The following ZNF18 variants were observed in gnomAD, a reference collection of about 807,000 sequenced individuals.
ZNF18 encodes the protein heart development-specific gene 1 protein.
ZNF18 carries 42 observed loss-of-function variants against 58.1 expected under a neutral mutation model. The observed-to-expected ratio is 0.72, with a 90% CI of 0.56 to 0.93. The LOEUF (loss-of-function observed/expected upper bound fraction) is 0.93. Ranked by LOEUF, ZNF18 falls within the 40% of genes least tolerant of loss-of-function variation. The pLI is 0.00. For synonymous variants in ZNF18, 231 were observed against 239.8 expected (o/e 0.96, Z 0.34); for missense variants, 540 against 644.2 (o/e 0.84, Z 1.75).
At chr17:11,988,439 A>G (rs78063772) in intron 4 of ZNF18, among the ~76,000 whole-genome samples, 1,549 of 152,258 alleles carry the variant, frequency 0.01, 29 homozygotes, top group African/African-American at 0.035. Flanking sequence ...GATCCTTAGA[A>G]TCGACAGGGT....
the ZNF18 span, among the ~76,000 whole-genome samples, chr17:12,019,333 TGTGTTTAAA>T: frequency 6.9e-6 from 1 of 143,916 alleles, no homozygotes. Context: ...TGTGTGTGTG[TGTGTTTAAA>T]TTAATTTTCT....
intron 1 of ZNF18, 118 bp downstream of exon 1, chr17:11,997,313 G>C (rs1968531193): frequency 6.6e-6 from 1 of 152,578 alleles, no homozygotes. Flanking sequence ...ATGGGCAAGG[G>C]AGCCCGCTGG....
the ZNF18 span, among the ~76,000 whole-genome samples, chr17:12,019,294 A>ATGTG: frequency 0.011 from 1,580 of 145,400 alleles, 22 homozygotes; most frequent in Admixed American, 0.035. Flanking sequence ...ATAATATTGG[A>ATGTG]TGTGTGTGTG....
upstream of ZNF18, among the ~76,000 whole-genome samples, chr17:12,000,276 C>T (rs538430722): frequency 7.4e-4 from 112 of 152,204 alleles, 1 homozygote; most frequent in African/African-American, 2.6e-3. Context: ...ACTATAAAGA[C>T]CAAGCCCTGG....
chr17:12,021,361 G>A, the ZNF18 span: 2 of 156,908 alleles, frequency 1.3e-5, no homozygotes, highest in Admixed American at 1.3e-4. Flanking sequence ...GAACGCGCCG[G>A]CTCGGGGCTG....
intron 6 of ZNF18, among the ~76,000 whole-genome samples, chr17:11,979,546 C>T (rs988423273): frequency 1.3e-5 from 2 of 152,222 alleles, no homozygotes; most frequent in South Asian, 2.1e-4. Flanking sequence ...TTTTTCTCAT[C>T]GTAACTTGGG....
chr17:11,998,243 C>G (rs569613956), upstream of ZNF18: 2 of 152,336 alleles, frequency 1.3e-5, no homozygotes, highest in African/African-American at 4.8e-5. Flanking sequence ...GACCTTCTTA[C>G]CCTTTCCCCA....
rs576916440 is a variant in ZNF18, at chr17:11,995,363, G to A, written c.-83+2068C>T. Among the ~76,000 whole-genome samples, 322 of 148,092 alleles carry A rather than the reference G, an allele frequency of 2.2e-3. 2 individuals carry two copies. The highest frequency in any genetic ancestry group is 7.4e-3 in the African/African-American group (297 of 40,106). On this transcript the variant is annotated intron_variant, in intron 1 of 6. Coordinates refer to ENST00000580306, the MANE Select transcript of ZNF18 (RefSeq NM_001303281.2). ...AAGGGGGCAGAGGTTGCAGTGAGCC[G>A]AGATCACACCACTGCAAGAAAAAAA...
chr17:12,018,235 C>T, the ZNF18 span, among the ~76,000 whole-genome samples: 466 of 152,304 alleles, frequency 3.1e-3, 2 homozygotes, highest in African/African-American at 7.1e-3. Context: ...TGCCAGCTAC[C>T]ACCATTATTA....
At chr17:12,003,246 T>C in the ZNF18 span, among the ~76,000 whole-genome samples, 24 of 152,124 alleles carry the variant, frequency 1.6e-4, no homozygotes, top group Admixed American at 1.6e-3. Context: ...GAGACCAGCC[T>C]GGCCAACATA....
rs771481859 is a variant in ZNF18, at chr17:11,978,521, T to A, written c.1086A>T (p.Gln362His). 1.2e-6 allele frequency: 2 copies of A among 1,609,692 alleles called. No individual in the cohort carries two copies. The highest frequency in any genetic ancestry group is 3.4e-5 in the Admixed American group (2 of 58,946). Reference protein sequence around the residue: ...DEGTGEQLSPQERISEKQLGQ... With the variant: ...DEGTGEQLSPHERISEKQLGQ... ...CTAGTTGTTTCTCAGAAATCCTTTC[T>A]TGAGGAGACAGCTGTTCCCCTGTTC... Residue 362 changes from glutamine (Q) to histidine (H), a missense_variant, in exon 7 of 7, where the codon CAA (glutamine) becomes CAT (histidine). Physicochemically the swap from Gln to His is conservative, Grantham distance 24. Transcript: ENST00000580306.
At chr17:12,010,930 G>A in the ZNF18 span, 5 of 589,064 alleles carry the variant, frequency 8.5e-6, no homozygotes, top group East Asian at 3.0e-5. Flanking sequence ...GGCTCTTCAC[G>A]TGCTTAACAT....
At chr17:12,013,744 A>T in the ZNF18 span, among the ~76,000 whole-genome samples, 1 of 152,216 alleles carries the variant, frequency 6.6e-6, no homozygotes, top group African/African-American at 2.4e-5. Flanking sequence ...TCTTTTCAAC[A>T]TTCTAAAAAC....
At chr17:12,013,923 T>C in the ZNF18 span, among the ~76,000 whole-genome samples, 38 of 152,238 alleles carry the variant, frequency 2.5e-4, no homozygotes, top group Non-Finnish European at 4.6e-4. Flanking sequence ...TGAGCTTTGA[T>C]TGGTTGAATT....
chr17:12,019,176 C>A, the ZNF18 span, among the ~76,000 whole-genome samples: 2 of 151,998 alleles, frequency 1.3e-5, no homozygotes, highest in African/African-American at 4.8e-5. Flanking sequence ...GTTGGCCAGG[C>A]TGGTCACTAA....
chr17:12,010,419 C>CTT, the ZNF18 span, among the ~76,000 whole-genome samples: 8 of 145,660 alleles, frequency 5.5e-5, no homozygotes, highest in Admixed American at 6.9e-5. Flanking sequence ...TGTTTCTGAA[C>CTT]TTTTTTTTTT....
At position 11,978,499 on chromosome 17, in the gene ZNF18, G is replaced by A; in HGVS notation, c.1108C>T (p.Leu370=). The A allele has an allele frequency of 6.2e-7, 1 of 1,606,052 alleles. No individual in the cohort carries two copies. Among genetic ancestry groups the A allele is most frequent in the South Asian group, 1.1e-5 (1 of 90,296 alleles). The change falls in exon 7 of 7, where the codon CTA becomes TTA. Residue 370 remains leucine (L), a synonymous_variant. Transcript: ENST00000580306. ...SPQERISEKQ[L]GQHLPNPHSG... ...TGAGGATTAGGCAAATGCTGACCTAGTTGTTTCTCAGAAATCCTTTCTTGA... is the reference window on the plus strand; with the variant it reads ...TGAGGATTAGGCAAATGCTGACCTAATTGTTTCTCAGAAATCCTTTCTTGA...
At position 11,978,664 on chromosome 17, in the gene ZNF18, C is replaced by A; in HGVS notation, c.943G>T (p.Ala315Ser). 2 of 1,613,336 alleles carry A rather than the reference C, an allele frequency of 1.2e-6. No homozygotes were observed. The highest frequency in any genetic ancestry group is 1.7e-6 in the Non-Finnish European group (2 of 1,179,994). ...GCCTGAGAAGGAACCTCTCCTGAAGCTTGACAGGAAGCATGCAGGAGCTCC... is the reference window on the plus strand; with the variant it reads ...GCCTGAGAAGGAACCTCTCCTGAAGATTGACAGGAAGCATGCAGGAGCTCC... ...DQELLHASCQ[A>S]SGEVPSQASL... The change falls in exon 7 of 7, where the codon GCT (alanine) becomes TCT (serine). Residue 315 changes from alanine to serine, a missense_variant. Transcript: ENST00000580306.
At chr17:11,995,282 G>C (rs537371671) in intron 1 of ZNF18, among the ~76,000 whole-genome samples, 1 of 135,814 alleles carries the variant, frequency 7.4e-6, no homozygotes, top group African/African-American at 2.6e-5. Context: ...GGTGGTGAAT[G>C]CCTGTAATCC....
Sources: allele counts gnomAD v4.1 joint callset (sites outside exome capture counted in the v4.1 genomes callset), GRCh38; gene constraint gnomAD v4.1.1; transcripts MANE v1.5; gene names NCBI Gene and HGNC (gene_info 2026-07-23, HGNC 2026-07-21).